Variants in UBE3D observed in about 807,000 individuals in gnomAD.
The protein encoded by UBE3D is ubiquitin protein ligase E3D.
A neutral mutation model predicts 49.6 loss-of-function variants in UBE3D; 48 were observed. The observed-to-expected ratio is 0.97, with a 90% CI of 0.77 to 1.23. UBE3D has a LOEUF of 1.23. Ranked by LOEUF, UBE3D falls within the 50% of genes most tolerant of loss-of-function variation. The probability of loss-of-function intolerance (pLI) is 0.00; values close to 1 mark genes in which losing one functional copy is unlikely to be tolerated. For missense variants in UBE3D, 452 were observed against 468.4 expected (o/e 0.96, Z 0.32); for synonymous variants, 189 against 174.2 (o/e 1.08, Z -0.67).
chr6:83,043,546 A>G (rs1782818324), intron 4 of UBE3D, among the ~76,000 whole-genome samples: 1 of 152,154 alleles, frequency 6.6e-6, no homozygotes, highest in African/African-American at 2.4e-5. Flanking sequence ...AATTTCCTTC[A>G]TCTCCCTCAG....
At position 82,993,142 on chromosome 6, in the gene UBE3D, C is replaced by CAGAG. The variant is rs976193597; in HGVS notation, c.1010+25827_1010+25830dup. ...GGGGGGAGAGAGAGAGAGAGAGAGA[C>CAGAG]AGAGAGAGAGAGAGAGTCAGCAAAA... On this transcript the variant is annotated intron_variant, in intron 8 of 9. Coordinates refer to ENST00000369747, the MANE Select transcript of UBE3D (RefSeq NM_198920.3). Among the ~76,000 whole-genome samples the CAGAG allele has an allele frequency of 4.4e-3, 655 of 147,214 alleles. 6 individuals carry two copies. The highest frequency in any genetic ancestry group is 0.015 in the African/African-American group (597 of 40,080).
In UBE3D at chr6:83,024,031, G is replaced by C. The variant is rs374142074; in HGVS notation, c.675C>G (p.Thr225=). 21 of 1,519,512 alleles carry C rather than the reference G, an allele frequency of 1.4e-5. No individual in the cohort carries two copies. The highest frequency in any genetic ancestry group is 1.8e-5 in the Non-Finnish European group (20 of 1,138,272). 94.1% of individuals were successfully genotyped at this position (1,519,512 alleles called of 1,614,324 possible). The change falls in exon 6 of 10, where the codon ACC becomes ACG. Residue 225 remains threonine, a synonymous_variant. Transcript: ENST00000369747. ...MLGETVSSET[T]KFYMTEIIIQ... is the part of the protein sequence containing the mutation. Reference sequence around the variant, plus strand: ...TAATTATCTCTGTCATATAAAACTTGGTGGTTTCTAGAAACAAAAAAGAAA... The same window carrying C: ...TAATTATCTCTGTCATATAAAACTTCGTGGTTTCTAGAAACAAAAAAGAAA...
chr6:83,008,732 A>G (rs1780152591), intron 8 of UBE3D, among the ~76,000 whole-genome samples: 1 of 152,186 alleles, frequency 6.6e-6, no homozygotes, highest in South Asian at 2.1e-4. Flanking sequence ...ACACCACCCC[A>G]TGTGCCAAAA....
intron 8 of UBE3D, among the ~76,000 whole-genome samples, chr6:82,964,794 T>C (rs1389237734): frequency 2.0e-5 from 3 of 152,220 alleles, no homozygotes; most frequent in African/African-American, 7.2e-5. Flanking sequence ...TATATTGGAA[T>C]GTCTGTTCTG....
intron 8 of UBE3D, among the ~76,000 whole-genome samples, chr6:82,979,826 T>G (rs1038495344): frequency 6.6e-6 from 1 of 152,114 alleles, no homozygotes; most frequent in African/African-American, 2.4e-5. Context: ...CTCCCACTTG[T>G]AAGTAAGAAC....
chr6:82,895,502 G>C (rs763139610), intron 9 of UBE3D, among the ~76,000 whole-genome samples: 11 of 152,076 alleles, frequency 7.2e-5, no homozygotes, highest in Non-Finnish European at 1.5e-4. Context: ...ACAATGTAGA[G>C]AGCCCCTAAA....
rs140114136 is a variant in UBE3D at position 82,927,432 on chromosome 6, T to C, written c.1149+29880A>G. Among the ~76,000 whole-genome samples, 6 of 152,166 alleles carry C rather than the reference T, an allele frequency of 3.9e-5. No homozygotes were observed. In the East Asian group the frequency reaches 1.2e-3, roughly 29 times the overall value. ...ATTTTCAATGGGATTGCATGGAATC[T>C]ATGGGTTGGGAATCTAGAGTTAGAA... On this transcript the variant is annotated intron_variant, in intron 9 of 9. Transcript: ENST00000369747.
intron 8 of UBE3D, among the ~76,000 whole-genome samples, chr6:82,976,117 T>C (rs185917277): frequency 6.6e-6 from 1 of 152,238 alleles, no homozygotes; most frequent in African/African-American, 2.4e-5. Flanking sequence ...AAAAAGCCCA[T>C]GCTATTTGCC....
chr6:83,017,637 A>G (rs1780786112), intron 8 of UBE3D: 2 of 152,204 alleles, frequency 1.3e-5, no homozygotes, highest in South Asian at 4.1e-4. Flanking sequence ...AGTGCAGGGT[A>G]ATGGACATTT....
At chr6:83,040,821 T>C (rs1169675534) in intron 4 of UBE3D, among the ~76,000 whole-genome samples, 1 of 152,182 alleles carries the variant, frequency 6.6e-6, no homozygotes, top group Non-Finnish European at 1.5e-5. Context: ...ACATCACAAA[T>C]GGCAGGTCTC....
At position 83,022,468 on chromosome 6, in the gene UBE3D, G is replaced by C; in HGVS notation, c.831C>G (p.Asp277Glu). ...AATTTCTTACCAAGATATACACTTT[G>C]TCATCCTGACCTTGAATCGTGAATC... ...TFRFTIQGQD[D>E]KVYILLWLLN... is the part of the protein sequence containing the mutation. Residue 277 changes from aspartate (D) to glutamate (E), a missense_variant, in exon 7 of 10, where the codon GAC becomes GAG. Coordinates refer to ENST00000369747, the MANE Select transcript of UBE3D (RefSeq NM_198920.3). The C allele has an allele frequency of 6.3e-7, 1 of 1,598,980 alleles. No individual in the cohort carries two copies. The highest frequency in any genetic ancestry group is 8.5e-7 in the Non-Finnish European group (1 of 1,174,216).
At chr6:83,005,498 T>C (rs1205911792) in intron 8 of UBE3D, among the ~76,000 whole-genome samples, 1 of 152,054 alleles carries the variant, frequency 6.6e-6, no homozygotes, top group Non-Finnish European at 1.5e-5. Context: ...CCAAAAGAAT[T>C]GAGACTGAGC....
intron 9 of UBE3D, 101 bp from the exon 10 acceptor site, chr6:82,893,143 T>C: frequency 7.3e-7 from 1 of 1,367,908 alleles, no homozygotes; most frequent in Admixed American, 1.7e-5. Flanking sequence ...GTCAATAAGA[T>C]CATATGCTTG....
intron 1 of UBE3D, 57 bp downstream of exon 1, chr6:83,065,585 G>T: frequency 6.4e-7 from 1 of 1,553,382 alleles, no homozygotes; most frequent in South Asian, 1.1e-5. Context: ...ACCAGCCCCC[G>T]ACCCCCGGGC....
At chr6:82,939,592 G>A (rs1774854840) in intron 9 of UBE3D, among the ~76,000 whole-genome samples, 1 of 152,160 alleles carries the variant, frequency 6.6e-6, no homozygotes, top group South Asian at 2.1e-4. Flanking sequence ...ATTGCCTACA[G>A]TATTCAGTAC....
chr6:82,932,067 G>T (rs1774199912), intron 9 of UBE3D, among the ~76,000 whole-genome samples: 1 of 152,042 alleles, frequency 6.6e-6, no homozygotes, highest in African/African-American at 2.4e-5. Context: ...TCTTCTCCTT[G>T]CTGTCACCAT....
rs117957212 is a variant in UBE3D, at chr6:83,039,391, T to C, written c.598-906A>G. ...GGAAAAAAATTTTAACTGATTAATA[T>C]ACATTTAAGTATTTTTTCTTTGGCA... On this transcript the variant is annotated intron_variant, in intron 4 of 9. Coordinates refer to ENST00000369747, the MANE Select transcript of UBE3D (RefSeq NM_198920.3). Among the ~76,000 whole-genome samples, 5 of 152,344 alleles carry C rather than the reference T, an allele frequency of 3.3e-5. No homozygotes were observed. The East Asian group carries it at 9.7e-4, about 29-fold the overall frequency.
chr6:82,975,419 A>G (rs1170477995), intron 8 of UBE3D, among the ~76,000 whole-genome samples: 1 of 152,180 alleles, frequency 6.6e-6, no homozygotes, highest in Admixed American at 6.5e-5. Flanking sequence ...AAATGTACAT[A>G]AAGAGGTGCA....
chr6:83,044,966 A>G (rs1346369133), intron 3 of UBE3D, among the ~76,000 whole-genome samples: 1 of 152,252 alleles, frequency 6.6e-6, no homozygotes, highest in African/African-American at 2.4e-5. Flanking sequence ...AGAATCGTGA[A>G]TAAACATACT....
Sources: gnomAD v4.1 joint callset for allele counts (sites outside exome capture counted in the v4.1 genomes callset) on GRCh38, gnomAD v4.1.1 for gene constraint, MANE v1.5 for transcripts, NCBI Gene and HGNC (gene_info 2026-07-23, HGNC 2026-07-21) for gene names.